Variants in RIPOR1 observed in about 807,000 individuals in gnomAD.
RIPOR1 encodes the protein rho family-interacting cell polarization regulator 1.
A neutral mutation model predicts 116.5 loss-of-function variants in RIPOR1; 58 were observed. That is an observed-to-expected ratio of 0.50 (90% CI 0.40 to 0.62). The LOEUF (loss-of-function observed/expected upper bound fraction) is 0.62, where lower values mean the gene tolerates loss of function less well. Ranked by LOEUF, RIPOR1 falls within the 20% of genes least tolerant of loss-of-function variation. RIPOR1 has a pLI of 0.00. For synonymous variants in RIPOR1, 605 were observed against 650.0 expected (o/e 0.93, Z 1.05); for missense variants, 1,372 against 1,586.2 (o/e 0.86, Z 2.29).
In RIPOR1 at chr16:67,537,619, C is replaced by A; in HGVS notation, c.-23-805C>A. On this transcript the variant is annotated intron_variant, in intron 1 of 21. Transcript: ENST00000042381. The surrounding 1 kb of genome is among the most constrained non-coding windows in gnomAD (Gnocchi z 4.6). ...AGAGGTAGGACCCAGCTCGGGGCTG[C>A]GAAAGCTCAGGGACTGGCCCCAGGG... is the stretch of plus-strand genomic sequence containing the variant. The A allele has an allele frequency of 7.2e-7, 1 of 1,395,492 alleles. No homozygotes were observed. The highest frequency in any genetic ancestry group is 1.5e-5 in the South Asian group (1 of 66,150). 86.4% of individuals were successfully genotyped at this position (1,395,492 alleles called of 1,614,324 possible).
upstream of RIPOR1, among the ~76,000 whole-genome samples, chr16:67,524,661 A>G (rs1346704916): frequency 6.6e-6 from 1 of 151,986 alleles, no homozygotes; most frequent in African/African-American, 2.4e-5. Flanking sequence ...TTATCCCACT[A>G]TCCACCCATC....
chr16:67,523,521 T>TTA (rs2050512532), intron 1 of RIPOR1, among the ~76,000 whole-genome samples: 1 of 44,044 alleles, frequency 2.3e-5, no homozygotes, highest in African/African-American at 7.0e-5. Flanking sequence ...CAAGACTCCA[T>TTA]AAAAAAAAAA....
rs1372145987 is a variant in RIPOR1, at chr16:67,540,963, G to A, written c.801+259G>A. Reference sequence around the variant, plus strand: ...ATTTGACCTCCTAAGCTCCCATGAGGCTGTGACCTCTATGACCTCAGTGAC... The same window carrying A: ...ATTTGACCTCCTAAGCTCCCATGAGACTGTGACCTCTATGACCTCAGTGAC... On this transcript the variant is annotated intron_variant, in intron 10 of 21. Coordinates refer to ENST00000042381, the MANE Select transcript of RIPOR1 (RefSeq NM_024519.4). The surrounding 1 kb of genome is among the most constrained non-coding windows in gnomAD (Gnocchi z 4.7). Among the ~76,000 whole-genome samples, 2 of 152,086 alleles carry A rather than the reference G, an allele frequency of 1.3e-5. No homozygotes were observed. Among genetic ancestry groups the A allele is most frequent in the Admixed American group, 1.3e-4 (2 of 15,268 alleles).
rs202023831 is a variant in RIPOR1 at position 67,546,486 on chromosome 16, G to A, written c.*23G>A. 2 of 1,598,778 alleles carry A rather than the reference G, an allele frequency of 1.3e-6. No individual in the cohort carries two copies. Among genetic ancestry groups the A allele is most frequent in the South Asian group, 1.1e-5 (1 of 90,718 alleles). On this transcript the variant is annotated 3_prime_UTR_variant, in exon 22 of 22. Coordinates refer to ENST00000042381, the MANE Select transcript of RIPOR1 (RefSeq NM_024519.4). ...TAAACTATTCACCCATGGGTTCCTGGTGCCCCTTTCCCCCCACTTTCAGGG... is the reference window on the plus strand; with the variant it reads ...TAAACTATTCACCCATGGGTTCCTGATGCCCCTTTCCCCCCACTTTCAGGG...
chr16:67,542,415 C>T lies in RIPOR1; in HGVS notation c.1629C>T (p.Gly543=). ...ACTCTGGCCCTTCAGAACTGCCAGG[C>T]CCCACTCACACCACTACAGGCTCTA... ...STDSGPSELP[G]PTHTTTGSTY... is the part of the protein sequence containing the mutation. Residue 543 remains glycine (G), a synonymous_variant, in exon 13 of 22, where the codon GGC becomes GGT. Coordinates refer to ENST00000042381, the MANE Select transcript of RIPOR1 (RefSeq NM_024519.4). This position sits in a 1 kb window ranked among gnomAD's most constrained non-coding sequence, Gnocchi z 4.6. 6.2e-7 allele frequency: 1 copy of T among 1,613,936 alleles called. No individual in the cohort carries two copies. The highest frequency in any genetic ancestry group is 8.5e-7 in the Non-Finnish European group (1 of 1,179,932).
rs750111595 is a variant in RIPOR1, at chr16:67,542,157, T to C, written c.1371T>C (p.Asp457=). The C allele has an allele frequency of 2.5e-6, 4 of 1,613,960 alleles. No individual in the cohort carries two copies. Among genetic ancestry groups the C allele is most frequent in the Non-Finnish European group, 3.4e-6 (4 of 1,179,896 alleles). Residue 457 remains aspartate (D), a synonymous_variant, in exon 13 of 22, where the codon GAT becomes GAC. Transcript: ENST00000042381. The surrounding 1 kb of genome is among the most constrained non-coding windows in gnomAD (Gnocchi z 4.6). ...GCCACATCAGTGAGGCTAGTGTAGA[T>C]GCTGCCTTGGCTGAGGCTTCAGTGG... ...TLSHISEASV[D]AALAEASVEA...
Position 67,542,874 on chromosome 16 carries a change from C to G in RIPOR1, c.2088C>G (p.Pro696=). 2 of 1,613,396 alleles carry G rather than the reference C, an allele frequency of 1.2e-6. No individual in the cohort carries two copies. Among genetic ancestry groups the G allele is most frequent in the Non-Finnish European group, 1.7e-6 (2 of 1,179,604 alleles). ...CCAGCCCCTCCAAACACTCAGACCC[C>G]ACCCTCCCAGGCACTGACTCCCTTC... ...TLSSPSKHSD[P]TLPGTDSLPC... The change falls in exon 13 of 22, where the codon CCC becomes CCG. Residue 696 remains proline (P), a synonymous_variant. Coordinates refer to ENST00000042381, the MANE Select transcript of RIPOR1 (RefSeq NM_024519.4). This position sits in a 1 kb window ranked among gnomAD's most constrained non-coding sequence, Gnocchi z 4.6.
At position 67,529,922 on chromosome 16, in the gene RIPOR1, T is replaced by A; in HGVS notation, c.-24+1008T>A. ...AGAAGCGAGGATTAGATCTGAGTCCTTGCCCCTGCGACACCCACCTCCGTG... is the reference window on the plus strand; with the variant it reads ...AGAAGCGAGGATTAGATCTGAGTCCATGCCCCTGCGACACCCACCTCCGTG... On this transcript the variant is annotated intron_variant, in intron 1 of 21. Coordinates refer to ENST00000042381, the MANE Select transcript of RIPOR1 (RefSeq NM_024519.4). This position sits in a 1 kb window ranked among gnomAD's most constrained non-coding sequence, Gnocchi z 4.1. The A allele has an allele frequency of 8.8e-7, 1 of 1,136,690 alleles. No individual in the cohort carries two copies. Among genetic ancestry groups the A allele is most frequent in the Non-Finnish European group, 1.3e-6 (1 of 782,154 alleles). The allele number at this position is 1,136,690 out of a possible 1,614,324, so 70.4% of individuals were successfully genotyped here. A position where few individuals can be genotyped will look rare whatever the true frequency, so the allele number is the denominator to read the frequency against.
chr16:67,540,215 G>T lies in RIPOR1; in HGVS notation c.567+10G>T. On this transcript the variant is annotated intron_variant, in intron 7 of 21. Transcript: ENST00000042381. The surrounding 1 kb of genome is among the most constrained non-coding windows in gnomAD (Gnocchi z 4.7). Reference sequence around the variant, plus strand: ...TCGCGAGTACACGGAGGTGAGGGATGGGGGCCCATGAGGCAGAGGCACAGG... The same window carrying T: ...TCGCGAGTACACGGAGGTGAGGGATTGGGGCCCATGAGGCAGAGGCACAGG... 6.2e-7 allele frequency: 1 copy of T among 1,613,922 alleles called. No homozygotes were observed. The highest frequency in any genetic ancestry group is 8.5e-7 in the Non-Finnish European group (1 of 1,179,916).
In RIPOR1 at chr16:67,544,251, A is replaced by C. The variant is rs753184806; in HGVS notation, c.2601-48A>C. 1 of 1,556,178 alleles carries C rather than the reference A, an allele frequency of 6.4e-7. No individual in the cohort carries two copies. Among genetic ancestry groups the C allele is most frequent in the South Asian group, 1.2e-5 (1 of 86,680 alleles). ...TTAATAAAAATAAACGCTGGTGACCAGGTGGTGATGTGTGCCTGTGGGGTG... is the reference window on the plus strand; with the variant it reads ...TTAATAAAAATAAACGCTGGTGACCCGGTGGTGATGTGTGCCTGTGGGGTG... On this transcript the variant is annotated intron_variant, in intron 14 of 21. Transcript: ENST00000042381. The surrounding 1 kb of genome is among the most constrained non-coding windows in gnomAD (Gnocchi z 5.1).
Position 67,538,478 on chromosome 16 carries a change from G to A in RIPOR1, c.32G>A (p.Arg11His). MMSLSVRPQR[R>H]LLSARVNRSQ... is the part of the protein sequence containing the mutation. The stretch of plus-strand genomic sequence containing the variant: ...TCCCTGTCGGTGCGGCCGCAGCGCC[G>A]TCTGCTCAGCGCCCGGGTCAATAGG... Residue 11 changes from arginine to histidine, a missense_variant, in exon 2 of 22, where the codon CGT becomes CAT. Arg to His is a conservative substitution (Grantham distance 29, BLOSUM62 0). This residue lies in a region of RIPOR1 where 165 missense variants were observed against 145.5 expected (regional missense o/e 1.13). Coordinates refer to ENST00000042381, the MANE Select transcript of RIPOR1 (RefSeq NM_024519.4). 3 of 1,610,716 alleles carry A rather than the reference G, an allele frequency of 1.9e-6. No individual in the cohort carries two copies. The highest frequency in any genetic ancestry group is 1.7e-6 in the Non-Finnish European group (2 of 1,178,930).
At chr16:67,525,510 G>A (rs2050532832), upstream of RIPOR1, among the ~76,000 whole-genome samples, 1 of 152,102 alleles carries the variant, frequency 6.6e-6, no homozygotes, top group Admixed American at 6.6e-5. Flanking sequence ...TCATCCGCGG[G>A]GGCTGTAGGG....
chr16:67,546,699 C>T lies in RIPOR1; in HGVS notation c.*236C>T. ...CACAAATCAGTGTCTGGGGCTTGGC[C>T]ACCCTGCCGCTGCCCAGCCACATCC... On this transcript the variant is annotated 3_prime_UTR_variant, in exon 22 of 22. Transcript: ENST00000042381. 1.8e-6 allele frequency: 1 copy of T among 567,188 alleles called. No homozygotes were observed. The highest frequency in any genetic ancestry group is 2.2e-5 in the South Asian group (1 of 44,970). 35.1% of individuals were successfully genotyped at this position (567,188 alleles called of 1,614,324 possible).
In RIPOR1 at chr16:67,538,497, C is replaced by A; in HGVS notation, c.51C>A (p.Val17=). The A allele has an allele frequency of 6.2e-7, 1 of 1,611,938 alleles. No individual in the cohort carries two copies. The highest frequency in any genetic ancestry group is 8.5e-7 in the Non-Finnish European group (1 of 1,179,386). Residue 17 remains valine (V), a synonymous_variant, in exon 2 of 22, where the codon GTC becomes GTA. Transcript: ENST00000042381. ...AGCGCCGTCTGCTCAGCGCCCGGGT[C>A]AATAGGAGCCAGTCCTTCGCAGGCG... is the stretch of plus-strand genomic sequence containing the variant. ...RPQRRLLSAR[V]NRSQSFAGVL...
Position 67,545,384 on chromosome 16 carries a change from A to G in RIPOR1, c.3040A>G (p.Lys1014Glu), listed in dbSNP as rs2051130853. Residue 1014 changes from lysine to glutamate, a missense_variant, in exon 18 of 22, where the codon AAG (lysine) becomes GAG (glutamate). Lys to Glu is a moderately conservative substitution (Grantham distance 56). This residue lies in a region of RIPOR1 where 1,005 missense variants were observed against 1,144.7 expected (regional missense o/e 0.88). Coordinates refer to ENST00000042381, the MANE Select transcript of RIPOR1 (RefSeq NM_024519.4). The surrounding 1 kb of genome is among the most constrained non-coding windows in gnomAD (Gnocchi z 4.8). ...QPGLAEAVCVKFLEDALGQKL... is the reference protein window; with the variant it reads ...QPGLAEAVCVEFLEDALGQKL... Reference sequence around the variant, plus strand: ...GCTACTGCCTCCTGCAGTGTGTGTGAAGTTCCTGGAGGATGCCCTGGGGCA... The same window carrying G: ...GCTACTGCCTCCTGCAGTGTGTGTGGAGTTCCTGGAGGATGCCCTGGGGCA... 2 of 1,613,802 alleles carry G rather than the reference A, an allele frequency of 1.2e-6. No individual in the cohort carries two copies. Among genetic ancestry groups the G allele is most frequent in the Non-Finnish European group, 1.7e-6 (2 of 1,179,924 alleles).
In RIPOR1 at chr16:67,541,154, C is replaced by T. The variant is rs1156794093; in HGVS notation, c.802-276C>T. Among the ~76,000 whole-genome samples the T allele has an allele frequency of 6.6e-6, 1 of 152,092 alleles. No homozygotes were observed. The highest frequency in any genetic ancestry group is 1.5e-5 in the Non-Finnish European group (1 of 68,012). Reference sequence around the variant, plus strand: ...AATCATACCTCACTGCAGTCTCAAACTCCTGGGCTCAACCCATCCTCCCAC... The same window carrying T: ...AATCATACCTCACTGCAGTCTCAAATTCCTGGGCTCAACCCATCCTCCCAC... On this transcript the variant is annotated intron_variant, in intron 10 of 21. Coordinates refer to ENST00000042381, the MANE Select transcript of RIPOR1 (RefSeq NM_024519.4). The surrounding 1 kb of genome is among the most constrained non-coding windows in gnomAD (Gnocchi z 4.6).
At position 67,545,754 on chromosome 16, in the gene RIPOR1, G is replaced by A. The variant is rs2051144290; in HGVS notation, c.3281G>A (p.Gly1094Glu). The change falls in exon 19 of 22, where the codon GGG (glycine) becomes GAG (glutamate). Residue 1094 changes from glycine to glutamate, a missense_variant. Transcript: ENST00000042381. This position sits in a 1 kb window ranked among gnomAD's most constrained non-coding sequence, Gnocchi z 4.8. ...LAPEGRLRRDGLRALSSLLVH... is the reference protein window; with the variant it reads ...LAPEGRLRRDELRALSSLLVH... ...CCCGAGGGGCGTCTGCGAAGGGACG[G>A]GCTGCGGGCCCTCAGCTCCCTGCTC... 1.2e-6 allele frequency: 2 copies of A among 1,612,278 alleles called. No homozygotes were observed. The highest frequency in any genetic ancestry group is 1.7e-6 in the Non-Finnish European group (2 of 1,179,168).
Position 67,544,687 on chromosome 16 carries a change from T to C in RIPOR1, c.2734-8T>C, listed in dbSNP as rs373590134. The C allele has an allele frequency of 2.5e-6, 4 of 1,612,562 alleles. No homozygotes were observed. The highest frequency in any genetic ancestry group is 3.4e-6 in the Non-Finnish European group (4 of 1,180,016). ...GGCCTGAGCTACTTGGCCACCCATG[T>C]TCTCCAGAAACTGGGCACATTTGGG... On this transcript the variant is annotated splice_region_variant and splice_polypyrimidine_tract_variant and intron_variant, in intron 15 of 21. Coordinates refer to ENST00000042381, the MANE Select transcript of RIPOR1 (RefSeq NM_024519.4). The surrounding 1 kb of genome is among the most constrained non-coding windows in gnomAD (Gnocchi z 5.1).
Position 67,544,962 on chromosome 16 carries a change from A to G in RIPOR1, c.2876A>G (p.Gln959Arg). ...TTCCCTCACCCCCTCACAGTGGTGCAGTTCTCGGCCTCTCGGCCTGGCTTC... is the reference window on the plus strand; with the variant it reads ...TTCCCTCACCCCCTCACAGTGGTGCGGTTCTCGGCCTCTCGGCCTGGCTTC... ...IPASSAQEVV[Q>R]FSASRPGFLT... Residue 959 changes from glutamine to arginine, a missense_variant, in exon 17 of 22, where the codon CAG becomes CGG. Coordinates refer to ENST00000042381, the MANE Select transcript of RIPOR1 (RefSeq NM_024519.4). The surrounding 1 kb of genome is among the most constrained non-coding windows in gnomAD (Gnocchi z 5.1). 6.2e-7 allele frequency: 1 copy of G among 1,612,326 alleles called. No individual in the cohort carries two copies.
Sources: allele counts gnomAD v4.1 joint callset (sites outside exome capture counted in the v4.1 genomes callset), GRCh38; gene constraint gnomAD v4.1.1; regional missense constraint gnomAD v4.1.1; non-coding constraint Gnocchi (gnomAD v3.1); transcripts MANE v1.5; gene names NCBI Gene and HGNC (gene_info 2026-07-23, HGNC 2026-07-21).